The following SEMA3E variants were observed in gnomAD, a reference collection of about 807,000 sequenced individuals.
SEMA3E encodes the protein semaphorin 3E.
Under a neutral mutation model 93.6 loss-of-function variants are expected in SEMA3E, and 49 were observed. The observed-to-expected ratio is 0.52, with a 90% CI of 0.42 to 0.66. The LOEUF (loss-of-function observed/expected upper bound fraction) is 0.66, where lower values mean the gene tolerates loss of function less well. Among genes scored for constraint, SEMA3E ranks in the 30% least tolerant of loss-of-function variants. SEMA3E has a pLI of 0.00. For missense variants in SEMA3E, 906 were observed against 964.8 expected (o/e 0.94, Z 0.81); for synonymous variants, 363 against 330.7 (o/e 1.10, Z -1.06).
chr7:83,642,058 C>T (rs1035411463), intron 1 of SEMA3E, among the ~76,000 whole-genome samples: 1 of 152,190 alleles, frequency 6.6e-6, no homozygotes, highest in Non-Finnish European at 1.5e-5. Context: ...CACTGAAATT[C>T]GAATGTAAGA....
chr7:83,388,786 G>A (rs1166966415), intron 14 of SEMA3E, among the ~76,000 whole-genome samples: 1 of 145,320 alleles, frequency 6.9e-6, no homozygotes, highest in African/African-American at 2.5e-5. Context: ...GTGGCAAAAT[G>A]ACACCTAAAA....
At chr7:83,609,037 T>C (rs1793190925) in intron 1 of SEMA3E, among the ~76,000 whole-genome samples, 1 of 152,046 alleles carries the variant, frequency 6.6e-6, no homozygotes, top group South Asian at 2.1e-4. Context: ...TTACTAAGTA[T>C]TGAGAAAGAT....
intron 10 of SEMA3E, 77 bp from the exon 11 acceptor site, chr7:83,400,327 T>G: frequency 4.0e-6 from 5 of 1,263,022 alleles, no homozygotes; most frequent in Non-Finnish European, 3.5e-6. Flanking sequence ...ATGAGAAGAA[T>G]CAGAAAAATT....
intron 1 of SEMA3E, among the ~76,000 whole-genome samples, chr7:83,536,899 C>T (rs1054866861): frequency 6.6e-6 from 1 of 152,054 alleles, no homozygotes; most frequent in African/African-American, 2.4e-5. Context: ...TGTATGTTGA[C>T]ACCCTAACCC....
At chr7:83,486,123 T>C (rs1790246926) in intron 2 of SEMA3E, among the ~76,000 whole-genome samples, 1 of 152,120 alleles carries the variant, frequency 6.6e-6, no homozygotes, top group African/African-American at 2.4e-5. Flanking sequence ...GCTCAAGCAA[T>C]CCTCCTGCCT....
intron 1 of SEMA3E, among the ~76,000 whole-genome samples, chr7:83,639,247 T>A (rs920120489): frequency 6.6e-6 from 1 of 151,424 alleles, no homozygotes; most frequent in African/African-American, 2.4e-5. Flanking sequence ...TAGCATTCAT[T>A]TAACTCCAGT....
rs547867533 is a variant in SEMA3E at position 83,398,541 on chromosome 7, A to G, written c.1366+1487T>C. On this transcript the variant is annotated intron_variant, in intron 11 of 16. Transcript: ENST00000643230. Reference sequence around the variant, plus strand: ...TAATCATGAACCCACAGTGCTGAGCATATTATTAACATTAACTTCCTAAAA... The same window carrying G: ...TAATCATGAACCCACAGTGCTGAGCGTATTATTAACATTAACTTCCTAAAA... Among the ~76,000 whole-genome samples, 109 of 152,354 alleles carry G rather than the reference A, an allele frequency of 7.2e-4. 1 individual carries two copies. The highest frequency in any genetic ancestry group is 7.3e-4 in the Non-Finnish European group (50 of 68,032).
intron 10 of SEMA3E, 23 bp downstream of exon 10, chr7:83,402,609 A>T: frequency 6.3e-7 from 1 of 1,598,626 alleles, no homozygotes; most frequent in Non-Finnish European, 8.6e-7. Context: ...AATAAGAATT[A>T]TTTGTTATAT....
rs2246028 is a variant in SEMA3E, at chr7:83,472,565, T to A, written c.277-3263A>T. ...AATGAAAAAGCTCAGTCCACCTCCT[T>A]TCTTAAGTTCCCTCGGAATTTCAAG... On this transcript the variant is annotated intron_variant, in intron 2 of 16. Coordinates refer to ENST00000643230, the MANE Select transcript of SEMA3E (RefSeq NM_012431.3). Among the ~76,000 whole-genome samples, 8 of 152,074 alleles carry A rather than the reference T, an allele frequency of 5.3e-5. No individual in the cohort carries two copies. The South Asian group carries it at 1.5e-3, about 28-fold the overall frequency.
chr7:83,379,238 C>T (rs1787726839), intron 16 of SEMA3E, among the ~76,000 whole-genome samples: 1 of 151,066 alleles, frequency 6.6e-6, no homozygotes, highest in South Asian at 2.1e-4. Context: ...GCTGGAGGCT[C>T]CAAAAGGTGG....
chr7:83,367,522 A>G lies in SEMA3E; in HGVS notation c.*64T>C. The G allele has an allele frequency of 6.5e-7, 1 of 1,535,118 alleles. No individual in the cohort carries two copies. On this transcript the variant is annotated 3_prime_UTR_variant, in exon 17 of 17. Transcript: ENST00000643230. ...GTAATGCAAAGAAGTTGGATGATTTATTTTTTTACTTTTTTACTTTCCAAA... is the reference window on the plus strand; with the variant it reads ...GTAATGCAAAGAAGTTGGATGATTTGTTTTTTTACTTTTTTACTTTCCAAA...
intron 13 of SEMA3E, among the ~76,000 whole-genome samples, chr7:83,393,782 T>C: frequency 6.6e-6 from 1 of 152,132 alleles, no homozygotes; most frequent in Admixed American, 6.6e-5. Flanking sequence ...TTCAGTGAAG[T>C]GGAAAGGAGG....
At chr7:83,581,152 G>A (rs1011312965) in intron 1 of SEMA3E, among the ~76,000 whole-genome samples, 1 of 151,934 alleles carries the variant, frequency 6.6e-6, no homozygotes, top group African/African-American at 2.4e-5. Context: ...ACAAGATTCA[G>A]CATCTGTCTA....
In SEMA3E at chr7:83,366,527, A is replaced by G. The variant is rs973404287; in HGVS notation, c.*1059T>C. 6.6e-6 allele frequency: 1 copy of G among 152,060 alleles called. No homozygotes were observed. The highest frequency in any genetic ancestry group is 1.5e-5 in the Non-Finnish European group (1 of 67,928). The allele number at this position is 152,060 out of a possible 1,614,324, so 9.4% of individuals were successfully genotyped here. A position where few individuals can be genotyped will look rare whatever the true frequency, so the allele number is the denominator to read the frequency against. On this transcript the variant is annotated 3_prime_UTR_variant, in exon 17 of 17. Transcript: ENST00000643230. ...AAATAAAACACGGTTGTTATAGTAT[A>G]TTTTAGATTTCAGCGAAGATTATTT...
At chr7:83,433,752 A>T (rs898839893) in intron 4 of SEMA3E, among the ~76,000 whole-genome samples, 3 of 152,130 alleles carry the variant, frequency 2.0e-5, no homozygotes, top group Non-Finnish European at 4.4e-5. Flanking sequence ...AAATGAGGAT[A>T]CAAGACAAAG....
intron 1 of SEMA3E, among the ~76,000 whole-genome samples, chr7:83,510,412 G>A (rs972855772): frequency 2.6e-5 from 4 of 152,204 alleles, no homozygotes; most frequent in African/African-American, 7.2e-5. Flanking sequence ...TATTTCTAGA[G>A]GTTTCACACA....
intron 1 of SEMA3E, among the ~76,000 whole-genome samples, chr7:83,627,845 T>C (rs1173849261): frequency 1.3e-5 from 2 of 152,124 alleles, no homozygotes; most frequent in Non-Finnish European, 2.9e-5. Flanking sequence ...ACATGTGAAT[T>C]TGATCCTGTC....
chr7:83,491,513 T>C (rs1367748716), intron 1 of SEMA3E, among the ~76,000 whole-genome samples: 1 of 152,176 alleles, frequency 6.6e-6, no homozygotes, highest in East Asian at 1.9e-4. Flanking sequence ...ATGTATCCCT[T>C]ATAAAGGTAA....
At chr7:83,433,161 G>A (rs570348247) in intron 4 of SEMA3E, among the ~76,000 whole-genome samples, 1 of 152,154 alleles carries the variant, frequency 6.6e-6, no homozygotes, top group East Asian at 1.9e-4. Context: ...CACATTTGTT[G>A]CAAAGATTAT....
Sources: allele counts gnomAD v4.1 joint callset (sites outside exome capture counted in the v4.1 genomes callset), GRCh38; gene constraint gnomAD v4.1.1; transcripts MANE v1.5; gene names NCBI Gene and HGNC (gene_info 2026-07-23, HGNC 2026-07-21).